DENND3: variants seen among roughly 807,000 people sequenced by gnomAD.
The protein encoded by DENND3 is DENN domain-containing protein 3.
In DENND3, 88 loss-of-function variants were observed where a neutral mutation model predicts 135.1. The ratio of observed to expected loss-of-function variants is 0.65; its 90% CI spans 0.55 to 0.78. DENND3 has a LOEUF of 0.78. Ranked by LOEUF, DENND3 falls within the 30% of genes least tolerant of loss-of-function variation. The pLI is 0.00. For synonymous variants in DENND3, 693 were observed against 712.3 expected (o/e 0.97, Z 0.43); for missense variants, 1,392 against 1,688.4 (o/e 0.82, Z 3.08).
At position 141,178,125 on chromosome 8, in the gene DENND3, G is replaced by A; in HGVS notation, c.2765G>A (p.Gly922Asp). The A allele has an allele frequency of 6.2e-7, 1 of 1,613,020 alleles. No individual in the cohort carries two copies. The highest frequency in any genetic ancestry group is 8.5e-7 in the Non-Finnish European group (1 of 1,179,008). Residue 922 changes from glycine (G) to aspartate (D), a missense_variant, in exon 16 of 23, where the codon GGC (glycine) becomes GAC (aspartate). Transcript: ENST00000519811. ...TNVLLMDAVVGTLQSPGAIYA... is the reference protein window; with the variant it reads ...TNVLLMDAVVDTLQSPGAIYA... Reference sequence around the variant, plus strand: ...GTCTTGCTGATGGACGCCGTCGTGGGCACACTGCAGTCACCAGGCGCCATC... The same window carrying A: ...GTCTTGCTGATGGACGCCGTCGTGGACACACTGCAGTCACCAGGCGCCATC...
rs376771946 is a variant in DENND3, at chr8:141,157,846, G to A, written c.1196+1876G>A. The A allele has an allele frequency of 3.6e-5, 33 of 918,452 alleles. 1 individual carries two copies. Among genetic ancestry groups the A allele is most frequent in the Middle Eastern group, 5.5e-4 (1 of 1,832 alleles). The allele number at this position is 918,452 out of a possible 1,614,324, so 56.9% of individuals were successfully genotyped here. On this transcript the variant is annotated intron_variant, in intron 8 of 22. Transcript: ENST00000519811. ...GTGATCTTGGCTCACTGCAACCTCCGCCTTCCAGGTTCAAGCGATTCTCCT... is the reference window on the plus strand; with the variant it reads ...GTGATCTTGGCTCACTGCAACCTCCACCTTCCAGGTTCAAGCGATTCTCCT...
chr8:141,157,425 C>T, intron 8 of DENND3: 1 of 985,476 alleles, frequency 1.0e-6, no homozygotes, highest in Non-Finnish European at 1.2e-6. Flanking sequence ...AGGAGAGATC[C>T]TGCTCTTGAG....
intron 8 of DENND3, among the ~76,000 whole-genome samples, chr8:141,160,340 G>T (rs1819987683): frequency 6.6e-6 from 1 of 152,036 alleles, no homozygotes; most frequent in South Asian, 2.1e-4. Context: ...CACCATGCCT[G>T]GCTAATTTTT....
intron 18 of DENND3, 144 bp downstream of exon 18, chr8:141,185,422 C>A: frequency 9.3e-7 from 1 of 1,076,354 alleles, no homozygotes; most frequent in Non-Finnish European, 1.3e-6. Flanking sequence ...TTAACTTTCA[C>A]CTGGAGTTTT....
intron 17 of DENND3, among the ~76,000 whole-genome samples, chr8:141,183,909 C>T (rs1039760926): frequency 6.6e-6 from 1 of 152,146 alleles, no homozygotes; most frequent in African/African-American, 2.4e-5. Context: ...GAGGGAGCAG[C>T]GTGCTTTCCG....
chr8:141,143,876 C>T, intron 4 of DENND3: 2 of 317,926 alleles, frequency 6.3e-6, no homozygotes, highest in Non-Finnish European at 1.1e-5. Context: ...ATTGAACACA[C>T]ACATGTAACT....
chr8:141,194,291 T>C lies in DENND3; in HGVS notation c.*58T>C, dbSNP rs1589737178. The C allele has an allele frequency of 6.4e-6, 10 of 1,563,516 alleles. No individual in the cohort carries two copies. The highest frequency in any genetic ancestry group is 1.9e-5 in the Admixed American group (1 of 52,794). Reference sequence around the variant, plus strand: ...CTATGTGTGGGGACTGGCTGCCCCCTAGAGCCTGCCAGGAGCAGAAGCCTG... The same window carrying C: ...CTATGTGTGGGGACTGGCTGCCCCCCAGAGCCTGCCAGGAGCAGAAGCCTG... On this transcript the variant is annotated 3_prime_UTR_variant, in exon 23 of 23. Coordinates refer to ENST00000519811, the MANE Select transcript of DENND3 (RefSeq NM_001352890.3).
intron 13 of DENND3, among the ~76,000 whole-genome samples, chr8:141,170,405 GTGTA>G (rs767954281): frequency 7.9e-5 from 12 of 152,312 alleles, no homozygotes; most frequent in East Asian, 5.8e-4. Flanking sequence ...GTGTGAAAAT[GTGTA>G]TGTGTGTATA....
intron 7 of DENND3, among the ~76,000 whole-genome samples, chr8:141,153,544 G>A (rs1819074174): frequency 1.3e-5 from 2 of 152,228 alleles, no homozygotes; most frequent in African/African-American, 4.8e-5. Context: ...GGGTCCAGAT[G>A]CTTCCCCCAC....
chr8:141,175,728 G>A lies in DENND3; in HGVS notation c.2535+269G>A. 4.1e-6 allele frequency: 2 copies of A among 492,476 alleles called. No individual in the cohort carries two copies. Among genetic ancestry groups the A allele is most frequent in the Non-Finnish European group, 7.4e-6 (2 of 268,916 alleles). 30.5% of individuals were successfully genotyped at this position (492,476 alleles called of 1,614,324 possible). A position where few individuals can be genotyped will look rare whatever the true frequency, so the allele number is the denominator to read the frequency against. On this transcript the variant is annotated intron_variant, in intron 14 of 22. Transcript: ENST00000519811. This position sits in a 1 kb window ranked among gnomAD's most constrained non-coding sequence, Gnocchi z 5.4. ...TCTGTCACAGCTGACTTGCATCTGGGAGGCAGGAAGTAAGAATGTGGGCTG... is the reference window on the plus strand; with the variant it reads ...TCTGTCACAGCTGACTTGCATCTGGAAGGCAGGAAGTAAGAATGTGGGCTG...
intron 19 of DENND3, among the ~76,000 whole-genome samples, chr8:141,189,800 G>C (rs1250330092): frequency 6.6e-6 from 1 of 152,210 alleles, no homozygotes; most frequent in East Asian, 1.9e-4. Flanking sequence ...GTTCAGGGGT[G>C]GCGCAGGGTG....
chr8:141,160,745 A>G lies in DENND3; in HGVS notation c.1310A>G (p.Gln437Arg), dbSNP rs1488692296. 1.2e-6 allele frequency: 2 copies of G among 1,612,912 alleles called. No individual in the cohort carries two copies. Among genetic ancestry groups the G allele is most frequent in the Non-Finnish European group, 8.5e-7 (1 of 1,179,716 alleles). ...TCCTGGCAGCAGAAACTCAACTGCC[A>G]GATACAGCAGACCACCCTGCAGCTG... ...RRSWQQKLNC[Q>R]IQQTTLQLLV... The change falls in exon 9 of 23, where the codon CAG becomes CGG. Residue 437 changes from glutamine (Q) to arginine (R), a missense_variant. By Grantham distance (43) the Gln-to-Arg change is conservative. Transcript: ENST00000519811.
At position 141,154,094 on chromosome 8, in the gene DENND3, T is replaced by G. The variant is rs887882436; in HGVS notation, c.1075-1755T>G. ...GGCTGTGTGCCTCGCTGCTTTAGCG[T>G]TTTGTGTATTTGCCTTGTAAGGTTT... On this transcript the variant is annotated intron_variant, in intron 7 of 22. Coordinates refer to ENST00000519811, the MANE Select transcript of DENND3 (RefSeq NM_001352890.3). This position sits in a 1 kb window ranked among gnomAD's most constrained non-coding sequence, Gnocchi z 4.4. 1.3e-5 allele frequency among the ~76,000 whole-genome samples: 2 copies of G among 152,074 alleles called. No individual in the cohort carries two copies. Among genetic ancestry groups the G allele is most frequent in the African/African-American group, 2.4e-5 (1 of 41,410 alleles).
rs1264956967 is a variant in DENND3 at position 141,167,595 on chromosome 8, G to A, written c.1754-409G>A. The stretch of plus-strand genomic sequence containing the variant: ...GCCTCGGTTTCCGCATCTGTAGAAC[G>A]GGACTATAGTAATAATACCCCTGTC... On this transcript the variant is annotated intron_variant, in intron 12 of 22. Coordinates refer to ENST00000519811, the MANE Select transcript of DENND3 (RefSeq NM_001352890.3). The surrounding 1 kb of genome is among the most constrained non-coding windows in gnomAD (Gnocchi z 4.1). Among the ~76,000 whole-genome samples, 3 of 152,172 alleles carry A rather than the reference G, an allele frequency of 2.0e-5. No homozygotes were observed. Among genetic ancestry groups the A allele is most frequent in the Admixed American group, 6.5e-5 (1 of 15,276 alleles).
chr8:141,151,547 C>T (rs554978587), intron 6 of DENND3, 72 bp from the exon 7 acceptor site: 1 of 1,452,106 alleles, frequency 6.9e-7, no homozygotes, highest in African/African-American at 1.4e-5. Context: ...GGCTGGGCAA[C>T]ACAGCGAGAC....
Position 141,192,717 on chromosome 8 carries a change from G to C in DENND3, c.3636+54G>C, listed in dbSNP as rs568846577. ...ATCCCCGGCAGGTCTCGCTTGCCCT[G>C]GCCGCATCCCCATGCTCCCGAGAGC... On this transcript the variant is annotated intron_variant, in intron 22 of 22. Coordinates refer to ENST00000519811, the MANE Select transcript of DENND3 (RefSeq NM_001352890.3). 2.5e-6 allele frequency: 4 copies of C among 1,609,090 alleles called. No individual in the cohort carries two copies. In the African/African-American group the frequency reaches 5.3e-5, roughly 21 times the overall value.
chr8:141,167,349 T>G lies in DENND3; in HGVS notation c.1754-655T>G, dbSNP rs1419830708. Among the ~76,000 whole-genome samples, 1 of 152,168 alleles carries G rather than the reference T, an allele frequency of 6.6e-6. No homozygotes were observed. Among genetic ancestry groups the G allele is most frequent in the Non-Finnish European group, 1.5e-5 (1 of 68,012 alleles). ...GGAGCATGCTCCGCTTTCCCTGCCC[T>G]CGGAACCTTCCCCTGGAGCCCCCAT... On this transcript the variant is annotated intron_variant, in intron 12 of 22. Coordinates refer to ENST00000519811, the MANE Select transcript of DENND3 (RefSeq NM_001352890.3). The surrounding 1 kb of genome is among the most constrained non-coding windows in gnomAD (Gnocchi z 4.1).
chr8:141,194,251 A>C lies in DENND3; in HGVS notation c.*18A>C, dbSNP rs1569557267. 6.2e-7 allele frequency: 1 copy of C among 1,607,760 alleles called. No homozygotes were observed. The highest frequency in any genetic ancestry group is 8.5e-7 in the Non-Finnish European group (1 of 1,178,264). On this transcript the variant is annotated 3_prime_UTR_variant, in exon 23 of 23. Coordinates refer to ENST00000519811, the MANE Select transcript of DENND3 (RefSeq NM_001352890.3). ...GCGAATAAACGTGGCTGAGTCTGCC[A>C]AGTGGAACTGTGCCCTATGTGTGGG... is the stretch of plus-strand genomic sequence containing the variant.
intron 5 of DENND3, among the ~76,000 whole-genome samples, chr8:141,145,318 T>C (rs972629014): frequency 2.0e-5 from 3 of 152,158 alleles, no homozygotes; most frequent in African/African-American, 7.2e-5. Flanking sequence ...ATACCCTCCT[T>C]CCTCTTTGAG....
Sources: allele counts gnomAD v4.1 joint callset (sites outside exome capture counted in the v4.1 genomes callset), GRCh38; gene constraint gnomAD v4.1.1; non-coding constraint Gnocchi (gnomAD v3.1); transcripts MANE v1.5; gene names NCBI Gene and HGNC (gene_info 2026-07-23, HGNC 2026-07-21).